The following NTRK2 variants were observed in gnomAD, a reference collection of about 807,000 sequenced individuals.
NTRK2 encodes BDNF/NT-3 growth factors receptor.
In NTRK2, 13 loss-of-function variants were observed where a neutral mutation model predicts 94.5. That is an observed-to-expected ratio of 0.14 (90% CI 0.09 to 0.22). The LOEUF is 0.22. Among genes scored for constraint, NTRK2 ranks in the 10% least tolerant of loss-of-function variants. The pLI, the probability that NTRK2 is intolerant of heterozygous loss-of-function variation, is 1.00. For synonymous variants in NTRK2, 372 were observed against 407.4 expected (o/e 0.91, Z 1.05); for missense variants, 639 against 1,071.2 (o/e 0.60, Z 5.63).
chr9:84,835,165 T>C (rs2073798966), intron 12 of NTRK2, among the ~76,000 whole-genome samples: 1 of 152,192 alleles, frequency 6.6e-6, no homozygotes, highest in Non-Finnish European at 1.5e-5. Context: ...TGAATTCACC[T>C]ACATATCATT....
At chr9:84,909,648 G>A (rs144768686) in intron 14 of NTRK2, among the ~76,000 whole-genome samples, 439 of 152,024 alleles carry the variant, frequency 2.9e-3, no homozygotes, top group South Asian at 4.2e-3. Flanking sequence ...AAGATGTCTC[G>A]TTGTGCTTTC....
rs150921508 is a variant in NTRK2 at position 84,718,599 on chromosome 9, C to A, written c.584-4974C>A. On this transcript the variant is annotated intron_variant, in intron 6 of 18. Transcript: ENST00000277120. Reference sequence around the variant, plus strand: ...GTCTGCCTGAGAAGCTGGTCATCTCCGATCTCCAGCGAGGTTCCCCAGAGT... The same window carrying A: ...GTCTGCCTGAGAAGCTGGTCATCTCAGATCTCCAGCGAGGTTCCCCAGAGT... Among the ~76,000 whole-genome samples, 2 of 152,126 alleles carry A rather than the reference C, an allele frequency of 1.3e-5. 1 individual carries two copies. The highest frequency in any genetic ancestry group is 4.2e-4 in the South Asian group (2 of 4,818).
chr9:84,855,894 G>A (rs555379748), intron 12 of NTRK2, among the ~76,000 whole-genome samples: 1 of 152,166 alleles, frequency 6.6e-6, no homozygotes, highest in Non-Finnish European at 1.5e-5. Flanking sequence ...AGTACACAGA[G>A]GAAGTCTTAA....
At position 84,718,613 on chromosome 9, in the gene NTRK2, G is replaced by T. The variant is rs557178954; in HGVS notation, c.584-4960G>T. On this transcript the variant is annotated intron_variant, in intron 6 of 18. Transcript: ENST00000277120. ...CTGGTCATCTCCGATCTCCAGCGAG[G>T]TTCCCCAGAGTGCAAAGGAAGACAG... Among the ~76,000 whole-genome samples, 6 of 152,278 alleles carry T rather than the reference G, an allele frequency of 3.9e-5. No homozygotes were observed. In the East Asian group the frequency reaches 1.2e-3, roughly 29 times the overall value.
At chr9:84,980,350 T>A (rs1374737661) in intron 17 of NTRK2, among the ~76,000 whole-genome samples, 1 of 152,232 alleles carries the variant, frequency 6.6e-6, no homozygotes, top group Non-Finnish European at 1.5e-5. Context: ...GACTGTTTTC[T>A]TCTTTTGACT....
chr9:84,725,336 G>A (rs1450538763), intron 8 of NTRK2, among the ~76,000 whole-genome samples: 2 of 152,138 alleles, frequency 1.3e-5, no homozygotes, highest in Admixed American at 1.3e-4. Flanking sequence ...TGCCCAGTGG[G>A]TACTAAACTC....
intron 12 of NTRK2, among the ~76,000 whole-genome samples, chr9:84,800,197 T>C (rs2070232249): frequency 7.9e-6 from 1 of 126,012 alleles, no homozygotes; most frequent in Non-Finnish European, 1.6e-5. Flanking sequence ...TCTATCAAGA[T>C]ATAGTTTCTT....
intron 14 of NTRK2, among the ~76,000 whole-genome samples, chr9:84,905,397 T>C (rs1353210967): frequency 6.6e-6 from 1 of 151,972 alleles, no homozygotes; most frequent in Non-Finnish European, 1.5e-5. Flanking sequence ...AGGCTGAAAT[T>C]TTCTGCTTCA....
Position 84,861,087 on chromosome 9 carries a change from G to T in NTRK2, c.1444G>T (p.Gly482Cys), listed in dbSNP as rs2075317161. The stretch of plus-strand genomic sequence containing the variant: ...GAAAGTAAAATCAAGACAAGGTGTT[G>T]GTAAGTAGTTAACTCACTCCTTCTT... ...FGKVKSRQGV[G>C]PASVISNDDD... The change falls in exon 13 of 19, where the codon GGC becomes TGC. Residue 482 changes from glycine (G) to cysteine (C), a missense_variant and splice_region_variant. Physicochemically the swap from Gly to Cys is radical, Grantham distance 159. Coordinates refer to ENST00000277120, the MANE Select transcript of NTRK2 (RefSeq NM_006180.6). 1 of 1,611,044 alleles carries T rather than the reference G, an allele frequency of 6.2e-7. No homozygotes were observed. Among genetic ancestry groups the T allele is most frequent in the South Asian group, 1.1e-5 (1 of 90,964 alleles).
intron 14 of NTRK2, among the ~76,000 whole-genome samples, chr9:84,910,996 A>G (rs567300481): frequency 6.6e-6 from 1 of 152,340 alleles, no homozygotes; most frequent in South Asian, 2.1e-4. Flanking sequence ...GAGAATTGAC[A>G]TCATTACTGT....
intron 9 of NTRK2, among the ~76,000 whole-genome samples, chr9:84,728,395 A>G (rs1212646243): frequency 2.0e-5 from 3 of 152,186 alleles, no homozygotes; most frequent in African/African-American, 7.2e-5. Flanking sequence ...TCTGATACAC[A>G]CTGGATTAAT....
chr9:84,782,391 G>A (rs1765833271), intron 12 of NTRK2, among the ~76,000 whole-genome samples: 1 of 152,206 alleles, frequency 6.6e-6, no homozygotes, highest in South Asian at 2.1e-4. Flanking sequence ...ATAGGAAACG[G>A]AACTGTGAAG....
chr9:84,793,915 A>G (rs191623588), intron 12 of NTRK2, among the ~76,000 whole-genome samples: 1 of 152,328 alleles, frequency 6.6e-6, no homozygotes, highest in Non-Finnish European at 1.5e-5. Flanking sequence ...AGTGACTGCT[A>G]TGGAGCACAT....
At chr9:84,814,317 A>T (rs200412085) in intron 12 of NTRK2, 22 of 1,065,310 alleles carry the variant, frequency 2.1e-5, no homozygotes, top group Non-Finnish European at 2.5e-5. Context: ...TGTGTGGAGT[A>T]AATAGCTCGA....
intron 12 of NTRK2, among the ~76,000 whole-genome samples, chr9:84,756,063 A>G (rs1360527633): frequency 1.3e-5 from 2 of 152,152 alleles, no homozygotes; most frequent in African/African-American, 4.8e-5. Flanking sequence ...TTATTCATAC[A>G]TATGTTTAAT....
intron 12 of NTRK2, among the ~76,000 whole-genome samples, chr9:84,833,014 C>T (rs2073657495): frequency 6.6e-6 from 1 of 151,634 alleles, no homozygotes; most frequent in Non-Finnish European, 1.5e-5. Flanking sequence ...TCAGAGGAGC[C>T]CACAGCTGAG....
At chr9:84,925,274 C>A (rs1587948751) in intron 14 of NTRK2, among the ~76,000 whole-genome samples, 1 of 151,314 alleles carries the variant, frequency 6.6e-6, no homozygotes, top group South Asian at 2.1e-4. Context: ...ACTCTCAAAC[C>A]TCACAACAGC....
rs1306380916 is a variant in NTRK2 at position 84,979,331 on chromosome 9, C to A, written c.2172+23814C>A. 5.3e-5 allele frequency among the ~76,000 whole-genome samples: 8 copies of A among 152,104 alleles called. No homozygotes were observed. In the East Asian group the frequency reaches 1.2e-3, roughly 22 times the overall value. On this transcript the variant is annotated intron_variant, in intron 17 of 18. Transcript: ENST00000277120. Reference sequence around the variant, plus strand: ...CATTTGGAAGAAGTTGATTTCAACCCTTGTAGATGACTTTGAGGGAGGGAT... The same window carrying A: ...CATTTGGAAGAAGTTGATTTCAACCATTGTAGATGACTTTGAGGGAGGGAT...
intron 14 of NTRK2, among the ~76,000 whole-genome samples, chr9:84,894,428 A>G (rs2076698287): frequency 6.6e-6 from 1 of 152,202 alleles, no homozygotes; most frequent in Non-Finnish European, 1.5e-5. Context: ...GACTTCTTGC[A>G]GTCCAGCTAT....
Sources: allele counts gnomAD v4.1 joint callset (sites outside exome capture counted in the v4.1 genomes callset), GRCh38; gene constraint gnomAD v4.1.1; transcripts MANE v1.5; gene names NCBI Gene and HGNC (gene_info 2026-07-23, HGNC 2026-07-21).